The following XPO4 variants were observed in gnomAD, a reference collection of about 807,000 sequenced individuals.
XPO4 encodes exportin-4.
A neutral mutation model predicts 143.0 loss-of-function variants in XPO4; 39 were observed. The observed-to-expected ratio is 0.27, with a 90% CI of 0.21 to 0.36. The LOEUF is 0.36. Among genes scored for constraint, XPO4 ranks in the 10% least tolerant of loss-of-function variants. The probability of loss-of-function intolerance (pLI) is 1.00; values close to 1 mark genes in which losing one functional copy is unlikely to be tolerated. For synonymous variants in XPO4, 439 were observed against 474.0 expected, an observed-to-expected ratio of 0.93 and a Z score of 0.96; for missense variants, 907 against 1,348.0, an observed-to-expected ratio of 0.67 and a Z score of 5.12.
intron 6 of XPO4, among the ~76,000 whole-genome samples, chr13:20,833,025 C>T (rs2059871815): frequency 6.6e-6 from 1 of 152,130 alleles, no homozygotes; most frequent in South Asian, 2.1e-4. Context: ...CAACATACCA[C>T]ACATACCTGC....
chr13:20,843,109 T>C (rs1020233478), intron 5 of XPO4, 61 bp from the exon 6 acceptor site: 6 of 1,451,290 alleles, frequency 4.1e-6, no homozygotes, highest in Non-Finnish European at 5.6e-6. Flanking sequence ...TATCCCCTTT[T>C]AGAATCATGA....
intron 1 of XPO4, among the ~76,000 whole-genome samples, chr13:20,877,647 C>T (rs1483954907): frequency 6.6e-6 from 1 of 152,230 alleles, no homozygotes; most frequent in Non-Finnish European, 1.5e-5. Flanking sequence ...TATCTCCATA[C>T]TTTTTATGTG....
Position 20,783,308 on chromosome 13 carries a change from G to C in XPO4, c.*414C>G, listed in dbSNP as rs529157325. On this transcript the variant is annotated 3_prime_UTR_variant, in exon 23 of 23. Coordinates refer to ENST00000255305, the MANE Select transcript of XPO4 (RefSeq NM_022459.5). Reference sequence around the variant, plus strand: ...CACCAGCTCCTCAAGTGATGCAGGCGATCTATGGAGATTTTGAGAAACACT... The same window carrying C: ...CACCAGCTCCTCAAGTGATGCAGGCCATCTATGGAGATTTTGAGAAACACT... The C allele has an allele frequency of 5.4e-6, 1 of 184,082 alleles. No homozygotes were observed. Among genetic ancestry groups the C allele is most frequent in the Admixed American group, 5.6e-5 (1 of 17,762 alleles). 11.4% of individuals were successfully genotyped at this position (184,082 alleles called of 1,614,324 possible).
chr13:20,864,582 A>G (rs1340730439), intron 2 of XPO4, among the ~76,000 whole-genome samples: 1 of 152,196 alleles, frequency 6.6e-6, no homozygotes, highest in Non-Finnish European at 1.5e-5. Flanking sequence ...TTCCTTGAGC[A>G]ATACTAATCT....
chr13:20,832,378 T>G (rs1178986489), intron 6 of XPO4, among the ~76,000 whole-genome samples: 2 of 152,224 alleles, frequency 1.3e-5, no homozygotes, highest in Non-Finnish European at 2.9e-5. Flanking sequence ...GGTATCGTTT[T>G]GTGATTGTGA....
In XPO4 at chr13:20,808,533, A is replaced by G; in HGVS notation, c.1542T>C (p.His514=). Residue 514 remains histidine, a synonymous_variant, in exon 12 of 23, where the codon CAT becomes CAC. Coordinates refer to ENST00000255305, the MANE Select transcript of XPO4 (RefSeq NM_022459.5). ...VTRLHGQLQR[H]QQQLLASPGS... ...CCGGTGAAGCAAGTAACTGTTGCTGATGTCGTTGTAACTGACCATGGAGTC... is the reference window on the plus strand; with the variant it reads ...CCGGTGAAGCAAGTAACTGTTGCTGGTGTCGTTGTAACTGACCATGGAGTC... The G allele has an allele frequency of 6.4e-7, 1 of 1,572,834 alleles. No homozygotes were observed. Among genetic ancestry groups the G allele is most frequent in the Non-Finnish European group, 8.7e-7 (1 of 1,150,106 alleles).
At position 20,891,140 on chromosome 13, in the gene XPO4, A is replaced by T. The variant is rs568434028; in HGVS notation, c.69+11530T>A. ...CTCAATTTAAAAAAAAAAAAAAAAA[A>T]AAAAAAAAAAGAACAAACGGCCACA... is the stretch of plus-strand genomic sequence containing the variant. On this transcript the variant is annotated intron_variant, in intron 1 of 22. Transcript: ENST00000255305. Among the ~76,000 whole-genome samples, 178 of 150,656 alleles carry T rather than the reference A, an allele frequency of 1.2e-3. 1 individual carries two copies. Among genetic ancestry groups the T allele is most frequent in the African/African-American group, 4.3e-3 (176 of 41,214 alleles).
intron 11 of XPO4, 94 bp downstream of exon 11, chr13:20,808,989 G>T: frequency 7.4e-7 from 1 of 1,353,386 alleles, no homozygotes. Context: ...ACACGGGGTG[G>T]GGGTGTTTAA....
chr13:20,787,079 A>G, intron 21 of XPO4, 22 bp from the exon 22 acceptor site: 2 of 1,547,474 alleles, frequency 1.3e-6, no homozygotes, highest in Non-Finnish European at 1.8e-6. Flanking sequence ...TAAGACTTCT[A>G]AATAAAAACA....
intron 18 of XPO4, among the ~76,000 whole-genome samples, chr13:20,795,152 A>G (rs2059340918): frequency 6.6e-6 from 1 of 152,202 alleles, no homozygotes. Flanking sequence ...GGAAGAAGCC[A>G]AAAATGTCCA....
chr13:20,783,602 A>C lies in XPO4; in HGVS notation c.*120T>G. ...TGTATTACATACATATCAAAGTTTC[A>C]GGCTCTCCAAAATCCAAAATGGCCA... On this transcript the variant is annotated 3_prime_UTR_variant, in exon 23 of 23. Coordinates refer to ENST00000255305, the MANE Select transcript of XPO4 (RefSeq NM_022459.5). 9.7e-7 allele frequency: 1 copy of C among 1,033,158 alleles called. No homozygotes were observed. The highest frequency in any genetic ancestry group is 1.5e-5 in the South Asian group (1 of 67,860). 64.0% of individuals were successfully genotyped at this position (1,033,158 alleles called of 1,614,324 possible). A position where few individuals can be genotyped will look rare whatever the true frequency, so the allele number is the denominator to read the frequency against.
At chr13:20,868,246 G>A (rs1317579420) in intron 2 of XPO4, among the ~76,000 whole-genome samples, 1 of 150,138 alleles carries the variant, frequency 6.7e-6, no homozygotes, top group Non-Finnish European at 1.5e-5. Flanking sequence ...TTAAAACTAA[G>A]ACTGGGCTAA....
chr13:20,792,683 T>C lies in XPO4; in HGVS notation c.2798-2103A>G, dbSNP rs894252567. Among the ~76,000 whole-genome samples, 11 of 139,580 alleles carry C rather than the reference T, an allele frequency of 7.9e-5. No individual in the cohort carries two copies. The East Asian group carries it at 2.3e-3, about 29-fold the overall frequency. The allele number at this position is 139,580 out of a possible 152,430, so 91.6% of individuals were successfully genotyped here. On this transcript the variant is annotated intron_variant, in intron 18 of 22. Transcript: ENST00000255305. ...CTGCTGTGAGCCAAGGTCGCGCCAT[T>C]GCACTCCAGCCTGGGCAACAAAAGT... is the stretch of plus-strand genomic sequence containing the variant.
Position 20,778,053 on chromosome 13 carries a change from T to C in XPO4, c.*5669A>G, listed in dbSNP as rs1380856592. 6.6e-6 allele frequency: 1 copy of C among 152,228 alleles called. No individual in the cohort carries two copies. The highest frequency in any genetic ancestry group is 1.5e-5 in the Non-Finnish European group (1 of 68,046). The allele number at this position is 152,228 out of a possible 1,614,324, so 9.4% of individuals were successfully genotyped here. ...AAAACAAAACTGTTTTATAATCTAA[T>C]CAGCCTGTCAAAGGCATCACTCATA... is the stretch of plus-strand genomic sequence containing the variant. On this transcript the variant is annotated 3_prime_UTR_variant, in exon 23 of 23. Coordinates refer to ENST00000255305, the MANE Select transcript of XPO4 (RefSeq NM_022459.5).
intron 1 of XPO4, among the ~76,000 whole-genome samples, chr13:20,885,141 G>T (rs937347175): frequency 6.6e-6 from 1 of 152,062 alleles, no homozygotes; most frequent in African/African-American, 2.4e-5. Flanking sequence ...GTAGAGATGG[G>T]GTTTCTCCGT....
At chr13:20,849,862 T>C (rs1240845691) in intron 4 of XPO4, 1 of 956,478 alleles carries the variant, frequency 1.0e-6, no homozygotes, top group Non-Finnish European at 1.2e-6. Context: ...TCCCAGCACT[T>C]TGGGAGGCTG....
chr13:20,848,534 T>A, intron 4 of XPO4: 1 of 985,414 alleles, frequency 1.0e-6, no homozygotes, highest in African/African-American at 1.7e-5. Flanking sequence ...GTATTTTTTA[T>A]CATTATCATA....
chr13:20,800,410 A>G, intron 14 of XPO4, 85 bp from the exon 15 acceptor site: 1 of 1,339,194 alleles, frequency 7.5e-7, no homozygotes, highest in East Asian at 2.4e-5. Flanking sequence ...AACTGAAATT[A>G]GTATCTAATC....
intron 3 of XPO4, chr13:20,856,813 T>G: frequency 4.1e-6 from 4 of 983,762 alleles, no homozygotes; most frequent in Non-Finnish European, 4.8e-6. Flanking sequence ...CTTCCAGGCC[T>G]CTGAACTTCT....
Sources: gnomAD v4.1 joint callset for allele counts (sites outside exome capture counted in the v4.1 genomes callset) on GRCh38, gnomAD v4.1.1 for gene constraint, MANE v1.5 for transcripts, NCBI Gene and HGNC (gene_info 2026-07-23, HGNC 2026-07-21) for gene names.